The following CATIP variants were observed in gnomAD, a reference collection of about 807,000 sequenced individuals.
CATIP encodes the protein ciliogenesis-associated TTC17-interacting protein.
A neutral mutation model predicts 42.5 loss-of-function variants in CATIP; 40 were observed. The observed-to-expected ratio is 0.94, with a 90% CI of 0.73 to 1.22. The LOEUF is 1.22. CATIP is among the 50% of genes most tolerant of loss of function. The pLI, the probability that CATIP is intolerant of heterozygous loss-of-function variation, is 0.00. For synonymous variants in CATIP, 222 were observed against 200.2 expected (o/e 1.11, Z -0.92); for missense variants, 489 against 496.0 (o/e 0.99, Z 0.13).
chr2:218,357,653 G>C lies in CATIP; in HGVS notation c.238G>C (p.Gly80Arg). 1.2e-6 allele frequency: 2 copies of C among 1,614,046 alleles called. No homozygotes were observed. Among genetic ancestry groups the C allele is most frequent in the Non-Finnish European group, 1.7e-6 (2 of 1,180,000 alleles). The stretch of plus-strand genomic sequence containing the variant: ...GAGAGGGAAATACCAGGAAAAACTC[G>C]GCATGCTGACATACTGCCTCTTCGT... ...VQRGKYQEKLGMLTYCLFVHA... is the reference protein window; with the variant it reads ...VQRGKYQEKLRMLTYCLFVHA... The change falls in exon 3 of 10, where the codon GGC becomes CGC. Residue 80 changes from glycine to arginine, a missense_variant. By Grantham distance (125) the Gly-to-Arg change is moderately radical. Coordinates refer to ENST00000289388, the MANE Select transcript of CATIP (RefSeq NM_198559.2).
rs1164810027 is a variant in CATIP at position 218,367,509 on chromosome 2, G to A, written c.912G>A (p.Leu304=). 1 of 1,614,176 alleles carries A rather than the reference G, an allele frequency of 6.2e-7. No homozygotes were observed. Among genetic ancestry groups the A allele is most frequent in the Admixed American group, 1.7e-5 (1 of 60,024 alleles). Residue 304 remains leucine (L), a synonymous_variant, in exon 9 of 10, where the codon CTG becomes CTA. Transcript: ENST00000289388. ...EEDMELYSKF[L]DRKEELRLGH... Reference sequence around the variant, plus strand: ...ATATGGAGCTCTATTCGAAGTTCCTGGACCGGAAGGTGAGGGGAGGCTCCA... The same window carrying A: ...ATATGGAGCTCTATTCGAAGTTCCTAGACCGGAAGGTGAGGGGAGGCTCCA...
At chr2:218,362,585 C>A in intron 5 of CATIP, 150 bp from the exon 6 acceptor site, 1 of 650,170 alleles carries the variant, frequency 1.5e-6, no homozygotes, top group Non-Finnish European at 2.6e-6. Flanking sequence ...TGAGCTGAGA[C>A]CACGCCATTG....
chr2:218,364,841 G>A (rs1382549681), intron 7 of CATIP, 89 bp downstream of exon 7: 1 of 1,438,976 alleles, frequency 6.9e-7, no homozygotes, highest in Non-Finnish European at 9.5e-7. Context: ...GCACCAGGAA[G>A]AACTGGCATT....
chr2:218,361,832 G>A (rs1695244081), intron 5 of CATIP, among the ~76,000 whole-genome samples: 1 of 152,166 alleles, frequency 6.6e-6, no homozygotes, highest in Admixed American at 6.5e-5. Context: ...GTCCTCTTCA[G>A]AACTCTGAGC....
chr2:218,364,814 G>A (rs1559106025), intron 7 of CATIP, 62 bp downstream of exon 7: 50 of 1,554,330 alleles, frequency 3.2e-5, no homozygotes, highest in South Asian at 2.0e-4. Flanking sequence ...CAAGGAGACC[G>A]GCTGCTTCTG....
intron 5 of CATIP, among the ~76,000 whole-genome samples, chr2:218,361,996 G>A (rs1170859223): frequency 6.9e-6 from 1 of 145,940 alleles, no homozygotes; most frequent in Admixed American, 6.9e-5. Flanking sequence ...GCAATATAGC[G>A]AGACCCCGTT....
chr2:218,364,856 T>C lies in CATIP; in HGVS notation c.755+104T>C, dbSNP rs141477371. On this transcript the variant is annotated intron_variant, in intron 7 of 9. Transcript: ENST00000289388. ...GCACCAGGAAGAACTGGCATTGAGA[T>C]AGGAGTGTCCCTCCGCTTTATCCAT... The C allele has an allele frequency of 1.4e-3, 1,827 of 1,296,268 alleles. 18 individuals carry two copies. The African/African-American group carries it at 0.022, about 16-fold the overall frequency. 80.3% of individuals were successfully genotyped at this position (1,296,268 alleles called of 1,614,324 possible). A position where few individuals can be genotyped will look rare whatever the true frequency, so the allele number is the denominator to read the frequency against.
chr2:218,364,609 C>T lies in CATIP; in HGVS notation c.631-19C>T, dbSNP rs369033522. On this transcript the variant is annotated intron_variant, in intron 6 of 9. Coordinates refer to ENST00000289388, the MANE Select transcript of CATIP (RefSeq NM_198559.2). ...GGCATCCACCTTACCTCCCACCCCCCAATTTTGGCTGTTGCCAGCAAAACC... is the reference window on the plus strand; with the variant it reads ...GGCATCCACCTTACCTCCCACCCCCTAATTTTGGCTGTTGCCAGCAAAACC... 152 of 1,612,736 alleles carry T rather than the reference C, an allele frequency of 9.4e-5. No individual in the cohort carries two copies. In the African/African-American group the frequency reaches 1.3e-3, roughly 14 times the overall value.
rs747849215 is a variant in CATIP at position 218,367,713 on chromosome 2, C to T, written c.922-9C>T. The T allele has an allele frequency of 1.1e-5, 18 of 1,590,098 alleles. No homozygotes were observed. Among genetic ancestry groups the T allele is most frequent in the Non-Finnish European group, 1.5e-5 (17 of 1,172,042 alleles). On this transcript the variant is annotated splice_polypyrimidine_tract_variant and intron_variant, in intron 9 of 9. Coordinates refer to ENST00000289388, the MANE Select transcript of CATIP (RefSeq NM_198559.2). ...GTCCGGCTGAGGCTCGGGCTCTGTC[C>T]CCTGCCAGGAGGAGCTCCGGCTCGG... is the stretch of plus-strand genomic sequence containing the variant.
At position 218,368,039 on chromosome 2, in the gene CATIP, G is replaced by T. The variant is rs1339144046; in HGVS notation, c.*75G>T. 3.5e-6 allele frequency: 5 copies of T among 1,429,826 alleles called. No individual in the cohort carries two copies. The highest frequency in any genetic ancestry group is 9.1e-7 in the Non-Finnish European group (1 of 1,096,748). 88.6% of individuals were successfully genotyped at this position (1,429,826 alleles called of 1,614,324 possible). On this transcript the variant is annotated 3_prime_UTR_variant, in exon 10 of 10. Transcript: ENST00000289388. ...GCGGGCGGGACGCGCCGGGGCGGGT[G>T]CGCTTTCCGGGCTGCGGTTTTGGGG...
chr2:218,366,809 T>C lies in CATIP; in HGVS notation c.756-215T>C, dbSNP rs1332402280. On this transcript the variant is annotated intron_variant, in intron 7 of 9. Transcript: ENST00000289388. ...CCTCACATGGCCTTTCTTCCGTGCATGAGTGAAGAGAAAGCTCTCTGGCAT... is the reference window on the plus strand; with the variant it reads ...CCTCACATGGCCTTTCTTCCGTGCACGAGTGAAGAGAAAGCTCTCTGGCAT... 7.1e-6 allele frequency: 4 copies of C among 561,754 alleles called. No individual in the cohort carries two copies. The Admixed American group carries it at 7.9e-5, about 11-fold the overall frequency. 34.8% of individuals were successfully genotyped at this position (561,754 alleles called of 1,614,324 possible). A position where few individuals can be genotyped will look rare whatever the true frequency, so the allele number is the denominator to read the frequency against.
chr2:218,360,392 C>T (rs565619488), intron 4 of CATIP, among the ~76,000 whole-genome samples, 181 bp from the exon 5 acceptor site: 50 of 151,202 alleles, frequency 3.3e-4, no homozygotes, highest in Non-Finnish European at 5.8e-4. Flanking sequence ...CCTCGTGATC[C>T]GCCCACCTCG....
rs1225941698 is a variant in CATIP at position 218,362,894 on chromosome 2, T to G, written c.622T>G (p.Leu208Val). Residue 208 changes from leucine (L) to valine (V), a missense_variant, in exon 6 of 10, where the codon TTG becomes GTG. Transcript: ENST00000289388. ...GGACACCGAGGGCAAACTCTGCTATTTGACCTATGTAAGGGGTCCCCTTGG... is the reference window on the plus strand; with the variant it reads ...GGACACCGAGGGCAAACTCTGCTATGTGACCTATGTAAGGGGTCCCCTTGG... ...TLDTEGKLCY[L>V]TYQNLGFQTI... The G allele has an allele frequency of 6.2e-7, 1 of 1,613,052 alleles. No individual in the cohort carries two copies. Among genetic ancestry groups the G allele is most frequent in the Non-Finnish European group, 8.5e-7 (1 of 1,179,696 alleles).
chr2:218,360,684 T>C (rs765515214), intron 5 of CATIP, 25 bp downstream of exon 5: 3 of 1,539,432 alleles, frequency 1.9e-6, no homozygotes, highest in Non-Finnish European at 9.0e-7. Flanking sequence ...CAGATGGGAG[T>C]TGCACTACAC....
chr2:218,367,512 C>T lies in CATIP; in HGVS notation c.915C>T (p.Asp305=). 1 of 1,614,150 alleles carries T rather than the reference C, an allele frequency of 6.2e-7. No individual in the cohort carries two copies. Among genetic ancestry groups the T allele is most frequent in the South Asian group, 1.1e-5 (1 of 91,088 alleles). The change falls in exon 9 of 10, where the codon GAC becomes GAT. Residue 305 remains aspartate (D), a synonymous_variant. Coordinates refer to ENST00000289388, the MANE Select transcript of CATIP (RefSeq NM_198559.2). The part of the protein sequence containing the change: ...EDMELYSKFL[D]RKEELRLGHA... The stretch of plus-strand genomic sequence containing the variant: ...TGGAGCTCTATTCGAAGTTCCTGGA[C>T]CGGAAGGTGAGGGGAGGCTCCACCA...
At chr2:218,357,814 C>A in intron 3 of CATIP, 80 bp downstream of exon 3, 3 of 1,460,638 alleles carry the variant, frequency 2.1e-6, no homozygotes, top group South Asian at 1.2e-5. Context: ...AATCTTTTTT[C>A]AGGACCAAGC....
chr2:218,362,346 C>G (rs1356211761), intron 5 of CATIP, among the ~76,000 whole-genome samples: 1 of 128,372 alleles, frequency 7.8e-6, no homozygotes, highest in African/African-American at 3.1e-5. Flanking sequence ...GAGCAAGACC[C>G]TGTCTCAAAA....
At position 218,362,776 on chromosome 2, in the gene CATIP, C is replaced by T; in HGVS notation, c.504C>T (p.Ile168=). ...TGACTTCTTTCCCCTGGAGCTCAAT[C>T]AAGGGCTTCATCTCAGAGGCTGCCA... The part of the protein sequence containing the change: ...TGVTSFPWSS[I]KGFISEAANL... Residue 168 remains isoleucine, a synonymous_variant, in exon 6 of 10, where the codon ATC becomes ATT. Transcript: ENST00000289388. The T allele has an allele frequency of 6.2e-7, 1 of 1,614,142 alleles. No individual in the cohort carries two copies. The highest frequency in any genetic ancestry group is 8.5e-7 in the Non-Finnish European group (1 of 1,180,014).
chr2:218,360,577 T>G lies in CATIP; in HGVS notation c.380T>G (p.Leu127Arg). 1 of 1,613,518 alleles carries G rather than the reference T, an allele frequency of 6.2e-7. No individual in the cohort carries two copies. Among genetic ancestry groups the G allele is most frequent in the Middle Eastern group, 1.7e-4 (1 of 5,774 alleles). The change falls in exon 5 of 10, where the codon CTC becomes CGC. Residue 127 changes from leucine to arginine, a missense_variant. Transcript: ENST00000289388. ...EQHSQDFIKF[L>R]ILPMERKMSL... ...CCCGCATGCTCTGGCCCTCAGTTCC[T>G]CATCCTCCCCATGGAACGGAAGATG... is the stretch of plus-strand genomic sequence containing the variant.
Sources: gnomAD v4.1 joint callset for allele counts (sites outside exome capture counted in the v4.1 genomes callset) on GRCh38, gnomAD v4.1.1 for gene constraint, MANE v1.5 for transcripts, NCBI Gene and HGNC (gene_info 2026-07-23, HGNC 2026-07-21) for gene names.